EDRF1: variants seen among roughly 807,000 people sequenced by gnomAD.
EDRF1 encodes erythroid differentiation-related factor 1.
A neutral mutation model predicts 148.7 loss-of-function variants in EDRF1; 69 were observed. The observed-to-expected ratio is 0.46, with a 90% CI of 0.38 to 0.57. The LOEUF (loss-of-function observed/expected upper bound fraction) is 0.57, where lower values mean the gene tolerates loss of function less well. Among genes scored for constraint, EDRF1 ranks in the 20% least tolerant of loss-of-function variants. The pLI, the probability that EDRF1 is intolerant of heterozygous loss-of-function variation, is 0.00. For missense variants in EDRF1, 1,118 were observed against 1,478.7 expected (o/e 0.76, Z 4.00); for synonymous variants, 515 against 532.8 (o/e 0.97, Z 0.46).
rs752284277 is a variant in EDRF1, at chr10:125,763,309, T to A, written c.3554T>A (p.Ile1185Asn). ...TTCTTTTTTAACCCTAGCAATAACA[T>A]CGAAGATGACACAATTCTCAAAACC... ...SSTKKKTSNN[I>N]EDDTILKTNK... The change falls in exon 25 of 25, where the codon ATC becomes AAC. Residue 1185 changes from isoleucine (I) to asparagine (N), a missense_variant. Physicochemically the swap from Ile to Asn is moderately radical, Grantham distance 149. This residue lies in a region of EDRF1 where 954 missense variants were observed against 1,241.4 expected (regional missense o/e 0.77). Transcript: ENST00000356792. The surrounding 1 kb of genome is among the most constrained non-coding windows in gnomAD (Gnocchi z 4.3). 6.2e-7 allele frequency: 1 copy of A among 1,612,520 alleles called. No individual in the cohort carries two copies. Among genetic ancestry groups the A allele is most frequent in the Non-Finnish European group, 8.5e-7 (1 of 1,179,942 alleles).
intron 13 of EDRF1, among the ~76,000 whole-genome samples, chr10:125,737,164 T>G (rs979916981): frequency 1.3e-5 from 2 of 152,188 alleles, no homozygotes; most frequent in African/African-American, 2.4e-5. Context: ...TCTGGAAAAC[T>G]GCATTGTAAC....
intron 16 of EDRF1, 72 bp downstream of exon 16, chr10:125,740,723 TGGAAGTTTAC>T (rs1848975984): frequency 6.7e-7 from 1 of 1,497,048 alleles, no homozygotes; most frequent in Admixed American, 1.7e-5. Context: ...TGAATCACAG[TGGAAGTTTAC>T]TCCTATTTTT....
At chr10:125,752,945 T>C in intron 23 of EDRF1, 31 bp downstream of exon 23, 1 of 1,494,290 alleles carries the variant, frequency 6.7e-7, no homozygotes. Flanking sequence ...TCTTTGGTTT[T>C]TGTGTGTCTT....
At position 125,747,364 on chromosome 10, in the gene EDRF1, T is replaced by C. The variant is rs370362451; in HGVS notation, c.2815-172T>C. The stretch of plus-strand genomic sequence containing the variant: ...AGTCTACTCGGAATAACTTTCTTCA[T>C]TGAAATATTTTCATTGACTTACTTT... On this transcript the variant is annotated intron_variant, in intron 19 of 24. Transcript: ENST00000356792. 541 of 761,234 alleles carry C rather than the reference T, an allele frequency of 7.1e-4. 6 individuals are homozygous for C. The South Asian group carries it at 9.0e-3, about 13-fold the overall frequency. The allele number at this position is 761,234 out of a possible 1,614,324, so 47.2% of individuals were successfully genotyped here. A position where few individuals can be genotyped will look rare whatever the true frequency, so the allele number is the denominator to read the frequency against.
chr10:125,745,333 C>T (rs182605406), intron 18 of EDRF1: 2 of 231,002 alleles, frequency 8.7e-6, no homozygotes, highest in South Asian at 7.6e-5. Context: ...GCCTTGTCAC[C>T]GTGTCCACAC....
At chr10:125,756,095 C>T (rs1330632440) in intron 24 of EDRF1, among the ~76,000 whole-genome samples, 2 of 152,114 alleles carry the variant, frequency 1.3e-5, no homozygotes, top group Non-Finnish European at 2.9e-5. Context: ...CAAAAATTTT[C>T]TTCTAAAGCA....
Position 125,734,070 on chromosome 10 carries a change from A to T in EDRF1, c.1386-2A>T. The T allele has an allele frequency of 6.2e-7, 1 of 1,610,118 alleles. No homozygotes were observed. The highest frequency in any genetic ancestry group is 8.5e-7 in the Non-Finnish European group (1 of 1,176,498). ...TAAAGTTGATATAAACTCTTTTTTT[A>T]GGGTTGCTTGCAACATGATGATGAA... On this transcript the variant is annotated splice_acceptor_variant, in intron 11 of 24. Coordinates refer to ENST00000356792, the MANE Select transcript of EDRF1 (RefSeq NM_001202438.2). LOFTEE classifies it high-confidence loss of function.
At chr10:125,741,239 A>G in intron 17 of EDRF1, 38 bp downstream of exon 17, 1 of 1,568,364 alleles carries the variant, frequency 6.4e-7, no homozygotes, top group Non-Finnish European at 8.8e-7. Flanking sequence ...TCACAGTGGG[A>G]CTGTGCAGTC....
rs1219490083 is a variant in EDRF1 at position 125,747,581 on chromosome 10, G to A, written c.2860G>A (p.Asp954Asn). 3 of 1,614,046 alleles carry A rather than the reference G, an allele frequency of 1.9e-6. No individual in the cohort carries two copies. The highest frequency in any genetic ancestry group is 2.5e-6 in the Non-Finnish European group (3 of 1,180,028). Residue 954 changes from aspartate (D) to asparagine (N), a missense_variant, in exon 20 of 25, where the codon GAC becomes AAC. By Grantham distance (23) the Asp-to-Asn change is conservative (BLOSUM62 1). Around this residue, in one of 3 missense-constraint regions of EDRF1, gnomAD observed 954 missense variants for 1,241.4 expected, o/e 0.77. Transcript: ENST00000356792. ...LKALRSLGTR[D>N]IHPAVWDSVN... ...AGCGCTAAGGTCATTGGGAACACGA[G>A]ACATACACCCAGCTGTTTGGGATTC...
chr10:125,741,151 A>G lies in EDRF1; in HGVS notation c.2321A>G (p.Lys774Arg). The G allele has an allele frequency of 6.2e-7, 1 of 1,614,176 alleles. No individual in the cohort carries two copies. Among genetic ancestry groups the G allele is most frequent in the South Asian group, 1.1e-5 (1 of 91,082 alleles). Residue 774 changes from lysine to arginine, a missense_variant, in exon 17 of 25, where the codon AAA (lysine) becomes AGA (arginine). Lys to Arg is a conservative substitution (Grantham distance 26, BLOSUM62 2). Around this residue, in one of 3 missense-constraint regions of EDRF1, gnomAD observed 954 missense variants for 1,241.4 expected, o/e 0.77. Transcript: ENST00000356792. ...CTTGAAGAGTTTCATTACCAAACAA[A>G]AGAAGACCAGGAGATCCTGCATAGC... The part of the protein sequence containing the change: ...AHLEEFHYQT[K>R]EDQEILHSLH...
chr10:125,758,161 A>T (rs921310113), intron 24 of EDRF1, among the ~76,000 whole-genome samples: 6 of 152,126 alleles, frequency 3.9e-5, no homozygotes, highest in Non-Finnish European at 5.9e-5. Flanking sequence ...CTCTGTTACA[A>T]TGTTCCTTAT....
rs1189314875 is a variant in EDRF1, at chr10:125,719,744, G to GGGCCTGCGTTGCT, written c.-62_-50dup. 1 of 1,352,058 alleles carries GGGCCTGCGTTGCT rather than the reference G, an allele frequency of 7.4e-7. No individual in the cohort carries two copies. Among genetic ancestry groups the GGGCCTGCGTTGCT allele is most frequent in the Non-Finnish European group, 1.0e-6 (1 of 974,008 alleles). 83.8% of individuals were successfully genotyped at this position (1,352,058 alleles called of 1,614,324 possible). A position where few individuals can be genotyped will look rare whatever the true frequency, so the allele number is the denominator to read the frequency against. On this transcript the variant is annotated 5_prime_UTR_variant, in exon 1 of 25. Coordinates refer to ENST00000356792, the MANE Select transcript of EDRF1 (RefSeq NM_001202438.2). ...GCGTCTCTGGCGCTTACCCTGCTTT[G>GGGCCTGCGTTGCT]GGCCTGCGTTGCTGCTGCTGCTCCT...
intron 4 of EDRF1, 150 bp from the exon 5 acceptor site, chr10:125,725,168 A>G: frequency 1.5e-5 from 14 of 942,296 alleles, no homozygotes; most frequent in Non-Finnish European, 2.2e-5. Context: ...GAAAGGTGGT[A>G]TGAATTGACC....
intron 21 of EDRF1, chr10:125,749,210 G>T (rs1241602517): frequency 2.3e-5 from 13 of 575,020 alleles, no homozygotes; most frequent in Non-Finnish European, 3.7e-5. Context: ...TTGCACCACT[G>T]CATCTCCAGC....
Position 125,729,105 on chromosome 10 carries a change from G to A in EDRF1, c.894+1G>A. ...ATTCAATGACGGGGAGCACAGTCAGGTATGCTTTCCATGGTGTCCAAGGTG... is the reference window on the plus strand; with the variant it reads ...ATTCAATGACGGGGAGCACAGTCAGATATGCTTTCCATGGTGTCCAAGGTG... On this transcript the variant is annotated splice_donor_variant, in intron 7 of 24. Transcript: ENST00000356792. LOFTEE classifies it high-confidence loss of function. 6.4e-7 allele frequency: 1 copy of A among 1,560,652 alleles called. No individual in the cohort carries two copies. Among genetic ancestry groups the A allele is most frequent in the Non-Finnish European group, 8.6e-7 (1 of 1,159,720 alleles).
intron 24 of EDRF1, chr10:125,761,253 T>G (rs1250347510): frequency 2.5e-6 from 1 of 407,080 alleles, no homozygotes; most frequent in Non-Finnish European, 4.9e-6. Context: ...CATCATCATA[T>G]GACAACTGCA....
Position 125,735,844 on chromosome 10 carries a change from A to G in EDRF1, c.1698A>G (p.Ile566Met). Reference sequence around the variant, plus strand: ...CAGATGATAGCAAAGCAGTAGCTATAATCAAGTCTGTTGGAGAACTATCAG... The same window carrying G: ...CAGATGATAGCAAAGCAGTAGCTATGATCAAGTCTGTTGGAGAACTATCAG... ...DPSDDSKAVA[I>M]IKSVGELSVP... Residue 566 changes from isoleucine (I) to methionine (M), a missense_variant, in exon 13 of 25, where the codon ATA (isoleucine) becomes ATG (methionine). Ile to Met is a conservative substitution (Grantham distance 10). Around this residue, in one of 3 missense-constraint regions of EDRF1, gnomAD observed 954 missense variants for 1,241.4 expected, o/e 0.77. Transcript: ENST00000356792. 6.2e-7 allele frequency: 1 copy of G among 1,612,826 alleles called. No homozygotes were observed. Among genetic ancestry groups the G allele is most frequent in the Non-Finnish European group, 8.5e-7 (1 of 1,178,960 alleles).
At position 125,719,750 on chromosome 10, in the gene EDRF1, G is replaced by C. The variant is rs567788625; in HGVS notation, c.-58G>C. The stretch of plus-strand genomic sequence containing the variant: ...CTGGCGCTTACCCTGCTTTGGGCCT[G>C]CGTTGCTGCTGCTGCTCCTCCGCTC... On this transcript the variant is annotated 5_prime_UTR_variant, in exon 1 of 25. Transcript: ENST00000356792. 3.5e-6 allele frequency: 5 copies of C among 1,426,908 alleles called. No homozygotes were observed. Among genetic ancestry groups the C allele is most frequent in the East Asian group, 2.4e-5 (1 of 41,432 alleles). 88.4% of individuals were successfully genotyped at this position (1,426,908 alleles called of 1,614,324 possible). A position where few individuals can be genotyped will look rare whatever the true frequency, so the allele number is the denominator to read the frequency against.
At chr10:125,749,653 A>T in intron 22 of EDRF1, 88 bp downstream of exon 22, 1 of 1,482,180 alleles carries the variant, frequency 6.7e-7, no homozygotes, top group Non-Finnish European at 9.3e-7. Context: ...GAATCTAAAT[A>T]ATACTATTTT....
Sources: gnomAD v4.1 joint callset for allele counts (sites outside exome capture counted in the v4.1 genomes callset) on GRCh38, gnomAD v4.1.1 for gene constraint, gnomAD v4.1.1 regional missense constraint, Gnocchi (gnomAD v3.1) non-coding constraint, MANE v1.5 for transcripts, NCBI Gene and HGNC (gene_info 2026-07-23, HGNC 2026-07-21) for gene names.